RIN3: variants seen among roughly 807,000 people sequenced by gnomAD.
RIN3 encodes Ras and Rab interactor 3, also known as RAB5 interacting protein 3.
Under a neutral mutation model 76.3 loss-of-function variants are expected in RIN3, and 54 were observed. That is an observed-to-expected ratio of 0.71 (90% CI 0.57 to 0.89). The LOEUF is 0.89. Ranked by LOEUF, RIN3 falls within the 40% of genes least tolerant of loss-of-function variation. The pLI, the probability that RIN3 is intolerant of heterozygous loss-of-function variation, is 0.00. For missense variants in RIN3, 1,256 were observed against 1,322.1 expected, an observed-to-expected ratio of 0.95 and a Z score of 0.78; for synonymous variants, 576 against 564.0, an observed-to-expected ratio of 1.02 and a Z score of -0.30.
At chr14:92,581,791 A>G (rs1884550740) in intron 3 of RIN3, among the ~76,000 whole-genome samples, 2 of 152,224 alleles carry the variant, frequency 1.3e-5, no homozygotes, top group Admixed American at 6.5e-5. Flanking sequence ...AACTATTGCA[A>G]TAAAGACAGA....
intron 2 of RIN3, among the ~76,000 whole-genome samples, chr14:92,573,578 C>A (rs1018205883): frequency 6.6e-6 from 1 of 152,164 alleles, no homozygotes; most frequent in African/African-American, 2.4e-5. Flanking sequence ...CACCAGGAGT[C>A]CCTGTTTAGT....
chr14:92,615,505 G>C, intron 4 of RIN3, 26 bp downstream of exon 4: 1 of 1,594,662 alleles, frequency 6.3e-7, no homozygotes. Flanking sequence ...CCTGCAGGAG[G>C]TTATCTGGTT....
At chr14:92,553,142 G>A (rs2140032168) in intron 1 of RIN3, among the ~76,000 whole-genome samples, 1 of 152,180 alleles carries the variant, frequency 6.6e-6, no homozygotes, top group South Asian at 2.1e-4. Context: ...AACAGACCTT[G>A]AGGGGGAAAG....
At chr14:92,586,318 C>T (rs558041375) in intron 3 of RIN3, 10 of 152,310 alleles carry the variant, frequency 6.6e-5, no homozygotes, top group African/African-American at 2.4e-4. Flanking sequence ...CAAAACCCAT[C>T]GTTTCCTGCA....
intron 3 of RIN3, among the ~76,000 whole-genome samples, chr14:92,608,426 A>G (rs1885605654): frequency 6.6e-6 from 1 of 152,222 alleles, no homozygotes; most frequent in Admixed American, 6.5e-5. Context: ...ACCAACCACC[A>G]TGGTATATGC....
chr14:92,676,374 G>A (rs1420137200), intron 7 of RIN3, 101 bp from the exon 8 acceptor site: 40 of 1,354,254 alleles, frequency 3.0e-5, no homozygotes, highest in Admixed American at 5.6e-5. Context: ...TCCAGGGATC[G>A]CCATCCACAC....
intron 1 of RIN3, among the ~76,000 whole-genome samples, chr14:92,527,046 CTT>C (rs1215618245): frequency 0.041 from 4,461 of 109,636 alleles, 151 homozygotes; most frequent in African/African-American, 0.17. Context: ...TTCTCCCCAT[CTT>C]TTTTTTTTTT....
At chr14:92,666,376 A>C (rs1172579347) in intron 7 of RIN3, among the ~76,000 whole-genome samples, 2 of 152,212 alleles carry the variant, frequency 1.3e-5, no homozygotes, top group Non-Finnish European at 2.9e-5. Flanking sequence ...GCCAGGATTA[A>C]ACCTAGTATC....
rs556446340 is a variant in RIN3 at position 92,544,288 on chromosome 14, C to T, written c.45-11463C>T. 5.6e-4 allele frequency among the ~76,000 whole-genome samples: 84 copies of T among 149,710 alleles called. 1 individual carries two copies. Among genetic ancestry groups the T allele is most frequent in the African/African-American group, 1.6e-3 (63 of 40,530 alleles). ...AGCCCCAAATGCCTGCAGGCCACAC[C>T]GCACTCTTCCCGCCTACATCTACAC... On this transcript the variant is annotated intron_variant, in intron 1 of 9. Transcript: ENST00000216487.
chr14:92,687,100 A>C (rs879681259), intron 9 of RIN3: 1 of 152,306 alleles, frequency 6.6e-6, no homozygotes, highest in Non-Finnish European at 1.5e-5. Flanking sequence ...CTCTGCCTGC[A>C]GCCCTGAGCC....
chr14:92,561,393 T>C (rs1440361670), intron 2 of RIN3, among the ~76,000 whole-genome samples: 1 of 151,690 alleles, frequency 6.6e-6, no homozygotes, highest in Non-Finnish European at 1.5e-5. Context: ...CCTGCTTCTC[T>C]GATAAGGTTT....
chr14:92,630,856 T>A (rs1380898609), intron 4 of RIN3, among the ~76,000 whole-genome samples: 3 of 152,160 alleles, frequency 2.0e-5, no homozygotes, highest in Non-Finnish European at 4.4e-5. Context: ...CTTAGAAGCT[T>A]GTGACCCTGG....
intron 1 of RIN3, among the ~76,000 whole-genome samples, chr14:92,550,254 A>T (rs1455470595): frequency 6.6e-6 from 1 of 152,198 alleles, no homozygotes; most frequent in Non-Finnish European, 1.5e-5. Flanking sequence ...GAAGCGTTAT[A>T]ACTCGGGGGT....
At position 92,659,298 on chromosome 14, in the gene RIN3, A is replaced by G. The variant is rs905734485; in HGVS notation, c.2164A>G (p.Thr722Ala). The G allele has an allele frequency of 1.9e-6, 3 of 1,613,270 alleles. No individual in the cohort carries two copies. The highest frequency in any genetic ancestry group is 2.5e-6 in the Non-Finnish European group (3 of 1,179,542). ...GGAGAACCAGTTAGTGATCCTGGCC[A>G]CCACCACCACTGACCTAGGTGTGAC... The part of the protein sequence containing the change: ...LKENQLVILA[T>A]TTTDLGVTTS... The change falls in exon 7 of 10, where the codon ACC (threonine) becomes GCC (alanine). Residue 722 changes from threonine to alanine, a missense_variant. Thr to Ala is a moderately conservative substitution (Grantham distance 58). This residue lies in a region of RIN3 where 428 missense variants were observed against 521.2 expected (regional missense o/e 0.82). Transcript: ENST00000216487.
intron 3 of RIN3, among the ~76,000 whole-genome samples, chr14:92,608,582 T>A (rs1395935841): frequency 6.6e-6 from 1 of 152,026 alleles, no homozygotes; most frequent in Non-Finnish European, 1.5e-5. Context: ...TTGCCCAGGC[T>A]GGAGTGCAGT....
At chr14:92,557,535 C>T (rs77620432) in intron 2 of RIN3, among the ~76,000 whole-genome samples, 1,789 of 152,304 alleles carry the variant, frequency 0.012, 43 homozygotes, top group African/African-American at 0.04. Context: ...TCACCTCGGA[C>T]GAGGTAAAAT....
intron 4 of RIN3, among the ~76,000 whole-genome samples, chr14:92,630,212 C>A (rs1266768085): frequency 1.3e-5 from 2 of 152,152 alleles, no homozygotes; most frequent in Non-Finnish European, 2.9e-5. Flanking sequence ...CAGCACCGAC[C>A]CAGCGCAGTG....
intron 4 of RIN3, among the ~76,000 whole-genome samples, chr14:92,628,662 T>C (rs1301230002): frequency 6.6e-6 from 1 of 152,194 alleles, no homozygotes; most frequent in Non-Finnish European, 1.5e-5. Context: ...GGTGGGTTTC[T>C]TTTGCCCTTA....
rs147441983 is a variant in RIN3 at position 92,653,051 on chromosome 14, G to A, written c.2002G>A (p.Ala668Thr). ...STELKALVDP[A>T]LHSEEELEAI... is the part of the protein sequence containing the mutation. ...CGAGCTCAAGGCCCTGGTGGACCCC[G>A]CCCTGCACTCCGAGGAGGAGCTCGG... Residue 668 changes from alanine (A) to threonine (T), a missense_variant, in exon 6 of 10, where the codon GCC (alanine) becomes ACC (threonine). Coordinates refer to ENST00000216487, the MANE Select transcript of RIN3 (RefSeq NM_024832.5). 1,082 of 1,605,894 alleles carry A rather than the reference G, an allele frequency of 6.7e-4. 3 individuals carry two copies. The African/African-American group carries it at 0.013, about 19-fold the overall frequency.
Sources: gnomAD v4.1 joint callset for allele counts (sites outside exome capture counted in the v4.1 genomes callset) on GRCh38, gnomAD v4.1.1 for gene constraint, gnomAD v4.1.1 regional missense constraint, MANE v1.5 for transcripts, NCBI Gene and HGNC (gene_info 2026-07-23, HGNC 2026-07-21) for gene names.